NELL1: variants seen among roughly 807,000 people sequenced by gnomAD.
The protein encoded by NELL1 is protein kinase C-binding protein NELL1.
NELL1 carries 76 observed loss-of-function variants against 107.4 expected under a neutral mutation model. That is an observed-to-expected ratio of 0.71 (90% CI 0.59 to 0.86). The LOEUF is 0.86. NELL1 is among the 40% of genes least tolerant of loss of function. The pLI, the probability that NELL1 is intolerant of heterozygous loss-of-function variation, is 0.00. For missense variants in NELL1, 1,024 were observed against 1,005.5 expected (o/e 1.02, Z -0.25); for synonymous variants, 353 against 341.2 (o/e 1.03, Z -0.38).
Position 20,925,525 on chromosome 11 carries a change from A to G in NELL1, c.760-1783A>G, listed in dbSNP as rs922199393. Among the ~76,000 whole-genome samples, 4 of 149,238 alleles carry G rather than the reference A, an allele frequency of 2.7e-5. No individual in the cohort carries two copies. In the South Asian group the frequency reaches 8.4e-4, roughly 32 times the overall value. On this transcript the variant is annotated intron_variant, in intron 7 of 19. Coordinates refer to ENST00000357134, the MANE Select transcript of NELL1 (RefSeq NM_006157.5). ...GGTCTCAAACTCCTGACCTTGGGTC[A>G]TCTGCTCGTCTTGGCCTCCCAAAGT...
At chr11:21,409,736 C>G (rs575743844) in intron 15 of NELL1, among the ~76,000 whole-genome samples, 1 of 151,760 alleles carries the variant, frequency 6.6e-6, no homozygotes, top group Non-Finnish European at 1.5e-5. Flanking sequence ...CACATTTATT[C>G]CCCATATAAA....
chr11:21,493,033 G>A (rs994151508), intron 15 of NELL1, among the ~76,000 whole-genome samples: 1 of 151,832 alleles, frequency 6.6e-6, no homozygotes, highest in Non-Finnish European at 1.5e-5. Flanking sequence ...TCACAATAAA[G>A]TGTCATCTTA....
chr11:21,307,502 T>G (rs1353701518), intron 14 of NELL1, among the ~76,000 whole-genome samples: 1 of 151,980 alleles, frequency 6.6e-6, no homozygotes, highest in African/African-American at 2.4e-5. Flanking sequence ...AAAATACCTC[T>G]CCAAAGAGCA....
intron 2 of NELL1, among the ~76,000 whole-genome samples, chr11:20,765,616 T>G (rs1404860569): frequency 6.6e-6 from 1 of 152,022 alleles, no homozygotes; most frequent in Non-Finnish European, 1.5e-5. Flanking sequence ...GGCAAAATAA[T>G]GGCCTGACCG....
At chr11:21,536,859 C>T (rs1001464942) in intron 16 of NELL1, among the ~76,000 whole-genome samples, 4 of 152,136 alleles carry the variant, frequency 2.6e-5, no homozygotes, top group Non-Finnish European at 5.9e-5. Flanking sequence ...AGCCCTATCA[C>T]CCTCATAAAT....
intron 13 of NELL1, among the ~76,000 whole-genome samples, chr11:21,228,462 A>C (rs908617663): frequency 3.9e-5 from 6 of 152,140 alleles, no homozygotes; most frequent in Non-Finnish European, 8.8e-5. Flanking sequence ...AAACTGCTGA[A>C]GGCCCTTAAA....
intron 14 of NELL1, among the ~76,000 whole-genome samples, chr11:21,232,932 C>T (rs988783947): frequency 6.6e-6 from 1 of 152,178 alleles, no homozygotes; most frequent in Non-Finnish European, 1.5e-5. Flanking sequence ...GGATTCCAGG[C>T]ATGAGGCACT....
chr11:20,809,830 G>A lies in NELL1; in HGVS notation c.335+26000G>A, dbSNP rs192660219. Reference sequence around the variant, plus strand: ...ATTGTGAATAATGCTATATGGGAGTGCAGATATCTCTTTGACATACTGATT... The same window carrying A: ...ATTGTGAATAATGCTATATGGGAGTACAGATATCTCTTTGACATACTGATT... On this transcript the variant is annotated intron_variant, in intron 3 of 19. Transcript: ENST00000357134. Among the ~76,000 whole-genome samples the A allele has an allele frequency of 7.2e-5, 11 of 152,272 alleles. No homozygotes were observed. The East Asian group carries it at 2.1e-3, about 29-fold the overall frequency.
At chr11:20,748,352 A>G (rs1274859020) in intron 2 of NELL1, among the ~76,000 whole-genome samples, 1 of 152,116 alleles carries the variant, frequency 6.6e-6, no homozygotes. Flanking sequence ...TACATTTTAG[A>G]TATTTTGTCT....
At chr11:21,079,767 C>T (rs1218214694) in intron 12 of NELL1, among the ~76,000 whole-genome samples, 1 of 152,006 alleles carries the variant, frequency 6.6e-6, no homozygotes, top group Admixed American at 6.6e-5. Context: ...TTTTGTCATT[C>T]CAGGAAGTGT....
intron 15 of NELL1, among the ~76,000 whole-genome samples, chr11:21,414,997 G>A (rs1339782570): frequency 6.6e-6 from 1 of 151,990 alleles, no homozygotes; most frequent in Non-Finnish European, 1.5e-5. Context: ...AGCAGGAAAA[G>A]AAGACAACTA....
chr11:21,569,160 G>T (rs1366301957), intron 17 of NELL1, among the ~76,000 whole-genome samples: 1 of 151,620 alleles, frequency 6.6e-6, no homozygotes, highest in Non-Finnish European at 1.5e-5. Flanking sequence ...ACCACCTTTT[G>T]TATGTGTAGT....
chr11:20,674,563 C>A, intron 1 of NELL1: 1 of 1,525,848 alleles, frequency 6.6e-7, no homozygotes, highest in East Asian at 2.4e-5. Flanking sequence ...TCAGCAATCC[C>A]TTCAGGGAGG....
chr11:20,903,160 G>A (rs1849915586), intron 5 of NELL1, among the ~76,000 whole-genome samples: 1 of 152,014 alleles, frequency 6.6e-6, no homozygotes, highest in East Asian at 1.9e-4. Context: ...GTGAATATAT[G>A]TATATATGTG....
chr11:21,482,251 C>T (rs1387496269), intron 15 of NELL1, among the ~76,000 whole-genome samples: 1 of 152,206 alleles, frequency 6.6e-6, no homozygotes, highest in East Asian at 1.9e-4. Context: ...GTGGACTCCA[C>T]TGTAGTGTTG....
At chr11:21,570,201 TG>T (rs1218369706) in intron 17 of NELL1, among the ~76,000 whole-genome samples, 2 of 151,822 alleles carry the variant, frequency 1.3e-5, no homozygotes, top group African/African-American at 4.8e-5. Context: ...AAGGCGATCT[TG>T]CCAAAGAATA....
intron 5 of NELL1, among the ~76,000 whole-genome samples, chr11:20,916,007 C>G (rs1222469467): frequency 6.6e-6 from 1 of 151,514 alleles, no homozygotes; most frequent in African/African-American, 2.4e-5. Context: ...TAGGGTATCA[C>G]CACTTTTCTT....
chr11:21,070,509 C>T lies in NELL1; in HGVS notation c.1301-43080C>T, dbSNP rs552855458. Among the ~76,000 whole-genome samples, 53 of 152,128 alleles carry T rather than the reference C, an allele frequency of 3.5e-4. 1 individual carries two copies. The highest frequency in any genetic ancestry group is 4.2e-4 in the South Asian group (2 of 4,812). Reference sequence around the variant, plus strand: ...AATAGCAGTAAATCTTATTGCTGTTCCAGGGGCTCCATGAGGATTCTGCTA... The same window carrying T: ...AATAGCAGTAAATCTTATTGCTGTTTCAGGGGCTCCATGAGGATTCTGCTA... On this transcript the variant is annotated intron_variant, in intron 12 of 19. Coordinates refer to ENST00000357134, the MANE Select transcript of NELL1 (RefSeq NM_006157.5).
chr11:21,010,290 A>G (rs1852419007), intron 12 of NELL1, among the ~76,000 whole-genome samples: 1 of 151,916 alleles, frequency 6.6e-6, no homozygotes, highest in Non-Finnish European at 1.5e-5. Flanking sequence ...TTGTATTGCT[A>G]TATTTTATAC....
Sources: allele counts gnomAD v4.1 joint callset (sites outside exome capture counted in the v4.1 genomes callset), GRCh38; gene constraint gnomAD v4.1.1; transcripts MANE v1.5; gene names NCBI Gene and HGNC (gene_info 2026-07-23, HGNC 2026-07-21).